KAT7: variants seen among roughly 807,000 people sequenced by gnomAD.
The protein encoded by KAT7 is histone acetyltransferase KAT7.
A neutral mutation model predicts 82.1 loss-of-function variants in KAT7; 10 were observed. That is an observed-to-expected ratio of 0.12 (90% CI 0.08 to 0.21). The LOEUF is 0.21. Among genes scored for constraint, KAT7 ranks in the 10% least tolerant of loss-of-function variants. The pLI is 1.00. For missense variants in KAT7, 378 were observed against 760.9 expected (o/e 0.50, Z 5.92); for synonymous variants, 250 against 262.5 (o/e 0.95, Z 0.46).
intron 3 of KAT7, 99 bp from the exon 4 acceptor site, chr17:49,798,220 A>G (rs562064235): frequency 2.6e-6 from 3 of 1,146,830 alleles, no homozygotes; most frequent in East Asian, 4.8e-5. Context: ...TACTGGTTAA[A>G]TCATAGAAAA....
At chr17:49,815,427 C>A (rs1006365836) in intron 7 of KAT7, 12 of 158,554 alleles carry the variant, frequency 7.6e-5, no homozygotes, top group Non-Finnish European at 1.5e-4. Context: ...AAAGCTCCTT[C>A]CAAATCTCAG....
intron 4 of KAT7, among the ~76,000 whole-genome samples, chr17:49,800,018 T>TC (rs1290980219): frequency 6.9e-6 from 1 of 144,884 alleles, no homozygotes; most frequent in Admixed American, 6.9e-5. Flanking sequence ...GCCTTTTTTT[T>TC]TTTTTTTTTT....
intron 14 of KAT7, 21 bp downstream of exon 14, chr17:49,826,820 T>C (rs758639975): frequency 6.8e-7 from 1 of 1,469,116 alleles, no homozygotes; most frequent in Non-Finnish European, 9.5e-7. Flanking sequence ...CATCAGGGGC[T>C]TGCTCATTGC....
At chr17:49,791,531 G>A (rs2073889273) in intron 1 of KAT7, among the ~76,000 whole-genome samples, 1 of 152,266 alleles carries the variant, frequency 6.6e-6, no homozygotes. Flanking sequence ...GGTGGCGGGC[G>A]CCTGTAGTCC....
intron 5 of KAT7, among the ~76,000 whole-genome samples, chr17:49,806,590 G>A (rs1210882514): frequency 4.6e-5 from 7 of 152,142 alleles, no homozygotes; most frequent in Admixed American, 2.0e-4. Flanking sequence ...GAAAATAACT[G>A]CGATCCCTGC....
intron 7 of KAT7, among the ~76,000 whole-genome samples, chr17:49,813,441 T>C (rs551694654): frequency 3.3e-5 from 5 of 152,322 alleles, no homozygotes; most frequent in South Asian, 2.1e-4. Context: ...TATTCAGCCA[T>C]TGGGATAGAT....
At position 49,827,999 on chromosome 17, in the gene KAT7, C is replaced by T. The variant is rs2074388371; in HGVS notation, c.*497C>T. 1 of 154,804 alleles carries T rather than the reference C, an allele frequency of 6.5e-6. No individual in the cohort carries two copies. Among genetic ancestry groups the T allele is most frequent in the Non-Finnish European group, 1.4e-5 (1 of 69,632 alleles). 9.6% of individuals were successfully genotyped at this position (154,804 alleles called of 1,614,324 possible). ...AGTGTGTGTGGATTGGCAGGGGGTC[C>T]ATTCACTTTGGGTTCCATCTTGCTT... On this transcript the variant is annotated 3_prime_UTR_variant, in exon 15 of 15. Transcript: ENST00000259021.
In KAT7 at chr17:49,818,051, A is replaced by G. The variant is rs755801247; in HGVS notation, c.1155+40A>G. ...GTTCCTCTGCCTTGACCATGATGGC[A>G]ATAAGCTGTAGGATCTCTAGATTTT... On this transcript the variant is annotated intron_variant, in intron 9 of 14. Coordinates refer to ENST00000259021, the MANE Select transcript of KAT7 (RefSeq NM_007067.5). 3.3e-6 allele frequency: 5 copies of G among 1,534,312 alleles called. No homozygotes were observed. In the Admixed American group the frequency reaches 5.1e-5, roughly 16 times the overall value.
At chr17:49,821,309 C>T (rs1300050652) in intron 9 of KAT7, 28 bp from the exon 10 acceptor site, 2 of 1,563,756 alleles carry the variant, frequency 1.3e-6, no homozygotes, top group African/African-American at 1.4e-5. Flanking sequence ...GGCTTTGGTT[C>T]CCTGATGTGA....
At position 49,811,557 on chromosome 17, in the gene KAT7, C is replaced by A; in HGVS notation, c.835C>A (p.Gln279Lys). ...KKRNSGLSKE[Q>K]KEKYMEHRQT... ...AAGAAATTCTGGACTGAGCAAAGAACAGAAAGAGAAATATATGGTGAGGGA... is the reference window on the plus strand; with the variant it reads ...AAGAAATTCTGGACTGAGCAAAGAAAAGAAAGAGAAATATATGGTGAGGGA... Residue 279 changes from glutamine to lysine, a missense_variant, in exon 7 of 15, where the codon CAG becomes AAG. Transcript: ENST00000259021. 6.6e-7 allele frequency: 1 copy of A among 1,511,204 alleles called. No individual in the cohort carries two copies. Among genetic ancestry groups the A allele is most frequent in the Non-Finnish European group, 8.9e-7 (1 of 1,122,240 alleles). The allele number at this position is 1,511,204 out of a possible 1,614,324, so 93.6% of individuals were successfully genotyped here. A position where few individuals can be genotyped will look rare whatever the true frequency, so the allele number is the denominator to read the frequency against.
chr17:49,801,181 A>T (rs923609981), intron 4 of KAT7, among the ~76,000 whole-genome samples: 21 of 152,086 alleles, frequency 1.4e-4, no homozygotes, highest in Admixed American at 9.8e-4. Flanking sequence ...GTTTACTTGT[A>T]TTTGTTTATT....
At position 49,831,587 on chromosome 17, in the gene KAT7, A is replaced by G. The variant is rs1457654694; in HGVS notation, c.*4085A>G. The G allele has an allele frequency of 6.6e-6, 1 of 152,100 alleles. No individual in the cohort carries two copies. Among genetic ancestry groups the G allele is most frequent in the Non-Finnish European group, 1.5e-5 (1 of 68,040 alleles). 9.4% of individuals were successfully genotyped at this position (152,100 alleles called of 1,614,324 possible). A position where few individuals can be genotyped will look rare whatever the true frequency, so the allele number is the denominator to read the frequency against. Reference sequence around the variant, plus strand: ...TGAGTCCAAATCCCATACTTTTGGCATTGTTATGAGGTCTGGTCACCTGAT... The same window carrying G: ...TGAGTCCAAATCCCATACTTTTGGCGTTGTTATGAGGTCTGGTCACCTGAT... On this transcript the variant is annotated 3_prime_UTR_variant, in exon 15 of 15. Transcript: ENST00000259021.
At chr17:49,805,939 T>G (rs2074086756) in intron 5 of KAT7, among the ~76,000 whole-genome samples, 1 of 152,260 alleles carries the variant, frequency 6.6e-6, no homozygotes, top group Non-Finnish European at 1.5e-5. Context: ...CTAATTCATC[T>G]TTTAAATTCT....
Position 49,817,836 on chromosome 17 carries a change from A to G in KAT7, c.980A>G (p.Gln327Arg). ...TGGCAATAGGAGAAGTTAAGGCTGC[A>G]AGGCCAAATCACAGAGGGAAGCAAC... The part of the protein sequence containing the change: ...ASEDLEKLRL[Q>R]GQITEGSNMI... Residue 327 changes from glutamine to arginine, a missense_variant, in exon 9 of 15, where the codon CAA becomes CGA. Coordinates refer to ENST00000259021, the MANE Select transcript of KAT7 (RefSeq NM_007067.5). 6.2e-7 allele frequency: 1 copy of G among 1,612,238 alleles called. No homozygotes were observed. The highest frequency in any genetic ancestry group is 8.5e-7 in the Non-Finnish European group (1 of 1,179,756).
chr17:49,815,205 G>A (rs2074219435), intron 7 of KAT7: 1 of 152,204 alleles, frequency 6.6e-6, no homozygotes, highest in Admixed American at 6.5e-5. Context: ...TTCTGTGTAT[G>A]TGGACTGGAG....
intron 5 of KAT7, 71 bp downstream of exon 5, chr17:49,805,516 A>G (rs2074080079): frequency 1.9e-6 from 2 of 1,064,240 alleles, no homozygotes; most frequent in Admixed American, 1.8e-5. Flanking sequence ...TTTGCTGAAC[A>G]CTGGGGATAC....
intron 4 of KAT7, among the ~76,000 whole-genome samples, chr17:49,804,231 T>G (rs2074062054): frequency 6.6e-6 from 1 of 151,502 alleles, no homozygotes; most frequent in African/African-American, 2.4e-5. Flanking sequence ...TACAAAAAAT[T>G]AGCCGGGCGT....
At chr17:49,796,958 A>G in intron 3 of KAT7, 32 bp downstream of exon 3, 1 of 1,589,970 alleles carries the variant, frequency 6.3e-7, no homozygotes, top group Middle Eastern at 1.7e-4. Context: ...TAGACCTATT[A>G]CAGAGCATCT....
chr17:49,798,561 C>A lies in KAT7; in HGVS notation c.580+3C>A. 2 of 1,599,348 alleles carry A rather than the reference C, an allele frequency of 1.3e-6. No homozygotes were observed. Among genetic ancestry groups the A allele is most frequent in the South Asian group, 2.2e-5 (2 of 90,236 alleles). On this transcript the variant is annotated splice_donor_region_variant and intron_variant, in intron 4 of 14. Transcript: ENST00000259021. ...TACACCAGGCTGTAACTCTCTAGGTCAGTGTGCCCTAGCTTCATGACATCC... is the reference window on the plus strand; with the variant it reads ...TACACCAGGCTGTAACTCTCTAGGTAAGTGTGCCCTAGCTTCATGACATCC...
Sources: allele counts gnomAD v4.1 joint callset (sites outside exome capture counted in the v4.1 genomes callset), GRCh38; gene constraint gnomAD v4.1.1; transcripts MANE v1.5; gene names NCBI Gene and HGNC (gene_info 2026-07-23, HGNC 2026-07-21).